Variants in CNTNAP2 observed in about 807,000 individuals in gnomAD.
CNTNAP2 encodes contactin associated protein 2, also known as contactin-associated protein-like 2.
Under a neutral mutation model 155.2 loss-of-function variants are expected in CNTNAP2, and 98 were observed. The ratio of observed to expected loss-of-function variants is 0.63; its 90% confidence interval spans 0.54 to 0.75. The LOEUF is 0.75. Among genes scored for constraint, CNTNAP2 ranks in the 30% least tolerant of loss-of-function variants. The pLI is 0.00. For synonymous variants in CNTNAP2, 651 were observed against 631.2 expected, an observed-to-expected ratio of 1.03 and a Z score of -0.47; for missense variants, 1,727 against 1,688.1, an observed-to-expected ratio of 1.02 and a Z score of -0.40.
chr7:147,189,901 C>G (rs951094273), intron 8 of CNTNAP2, among the ~76,000 whole-genome samples: 2 of 152,120 alleles, frequency 1.3e-5, no homozygotes, highest in Admixed American at 1.3e-4. Context: ...CCCGCCACCA[C>G]GCCCGGCTAA....
intron 13 of CNTNAP2, among the ~76,000 whole-genome samples, chr7:147,714,152 A>G (rs1021326854): frequency 1.3e-5 from 2 of 152,114 alleles, no homozygotes; most frequent in Non-Finnish European, 2.9e-5. Flanking sequence ...CCATTTGATA[A>G]GGAAAAGGGA....
intron 10 of CNTNAP2, among the ~76,000 whole-genome samples, chr7:147,424,177 T>C (rs1046241030): frequency 7.2e-5 from 11 of 152,194 alleles, no homozygotes; most frequent in African/African-American, 2.2e-4. Context: ...CCATTTCTTC[T>C]TCAGCCAATT....
intron 20 of CNTNAP2, among the ~76,000 whole-genome samples, chr7:148,234,618 A>G (rs77411134): frequency 0.09 from 13,658 of 152,264 alleles, 839 homozygotes; most frequent in Non-Finnish European, 0.15. Context: ...TCCTTGGGAA[A>G]GTAAAGCTTC....
At chr7:147,694,824 A>G (rs1020437049) in intron 13 of CNTNAP2, among the ~76,000 whole-genome samples, 2 of 151,714 alleles carry the variant, frequency 1.3e-5, no homozygotes, top group African/African-American at 4.8e-5. Flanking sequence ...CCTGTTTCCA[A>G]TTTTATTACT....
At position 147,278,128 on chromosome 7, in the gene CNTNAP2, A is replaced by C. The variant is rs1182605904; in HGVS notation, c.1349-22013A>C. Among the ~76,000 whole-genome samples the C allele has an allele frequency of 9.3e-4, 8 of 8,582 alleles. No individual in the cohort carries two copies. In the East Asian group the frequency reaches 0.011, roughly 12 times the overall value. The allele number at this position is 8,582 out of a possible 152,430, so 5.6% of individuals were successfully genotyped here. ...GCTCAGGAAGGGGTGGAAACCATGC[A>C]AAAAAAAAAAAAAAAATAGCCTCCT... On this transcript the variant is annotated intron_variant, in intron 8 of 23. Transcript: ENST00000361727.
chr7:147,087,040 T>C (rs1800293711), intron 4 of CNTNAP2, among the ~76,000 whole-genome samples: 1 of 152,148 alleles, frequency 6.6e-6, no homozygotes, highest in African/African-American at 2.4e-5. Context: ...TATCTGAAAT[T>C]TGCACACTTC....
intron 4 of CNTNAP2, among the ~76,000 whole-genome samples, chr7:147,073,122 CT>C (rs59033495): frequency 0.011 from 1,600 of 142,162 alleles, 28 homozygotes; most frequent in African/African-American, 0.032. Flanking sequence ...AAAGCCTTTT[CT>C]TTTTTTTTTT....
chr7:147,577,025 C>A (rs1199465392), intron 12 of CNTNAP2, among the ~76,000 whole-genome samples: 1 of 152,044 alleles, frequency 6.6e-6, no homozygotes, highest in Non-Finnish European at 1.5e-5. Context: ...AGTTGACTAT[C>A]CAGGTAGTTT....
chr7:148,272,886 A>G (rs190515580), intron 21 of CNTNAP2, among the ~76,000 whole-genome samples: 2 of 152,340 alleles, frequency 1.3e-5, no homozygotes, highest in East Asian at 3.9e-4. Flanking sequence ...AGACCTGGGA[A>G]TGTCTGATCA....
At chr7:146,599,638 G>A (rs1386980943) in intron 1 of CNTNAP2, among the ~76,000 whole-genome samples, 1 of 151,552 alleles carries the variant, frequency 6.6e-6, no homozygotes, top group Non-Finnish European at 1.5e-5. Flanking sequence ...GTATTCCAGC[G>A]CTCACAACAC....
At chr7:147,765,501 G>A (rs903051694) in intron 13 of CNTNAP2, among the ~76,000 whole-genome samples, 2 of 152,140 alleles carry the variant, frequency 1.3e-5, no homozygotes, top group Non-Finnish European at 2.9e-5. Flanking sequence ...TCATGAGTCA[G>A]CAGAGGAATG....
chr7:147,256,464 G>T (rs751387930), intron 8 of CNTNAP2, among the ~76,000 whole-genome samples: 10 of 152,180 alleles, frequency 6.6e-5, no homozygotes, highest in Non-Finnish European at 1.2e-4. Context: ...CAATATGCGG[G>T]TGTTAAATGT....
At chr7:147,102,586 C>T (rs2129278040) in intron 4 of CNTNAP2, among the ~76,000 whole-genome samples, 1 of 152,234 alleles carries the variant, frequency 6.6e-6, no homozygotes, top group African/African-American at 2.4e-5. Flanking sequence ...GAGATGCTGG[C>T]CTTCAGGAAA....
intron 8 of CNTNAP2, among the ~76,000 whole-genome samples, 179 bp from the exon 9 acceptor site, chr7:147,299,962 T>C (rs1794911158): frequency 6.6e-6 from 1 of 152,106 alleles, no homozygotes; most frequent in Non-Finnish European, 1.5e-5. Context: ...TTAGGTGGAG[T>C]ATAGAACCAC....
intron 9 of CNTNAP2, among the ~76,000 whole-genome samples, chr7:147,366,511 T>C (rs1357548596): frequency 2.0e-5 from 3 of 152,046 alleles, no homozygotes; most frequent in Admixed American, 2.0e-4. Flanking sequence ...ATCTAATTCT[T>C]TCATAGTTTC....
At chr7:148,195,778 G>A (rs1393528671) in intron 18 of CNTNAP2, among the ~76,000 whole-genome samples, 1 of 152,040 alleles carries the variant, frequency 6.6e-6, no homozygotes, top group African/African-American at 2.4e-5. Context: ...AATTGAGACA[G>A]GCACCTGAAG....
intron 3 of CNTNAP2, among the ~76,000 whole-genome samples, chr7:147,037,629 T>G (rs192691300): frequency 1.5e-3 from 222 of 152,070 alleles, no homozygotes; most frequent in Non-Finnish European, 2.6e-3. Flanking sequence ...GCCTGGCTAA[T>G]TTTTTGTATT....
At chr7:147,617,732 TG>T (rs548779838) in intron 12 of CNTNAP2, among the ~76,000 whole-genome samples, 1 of 152,330 alleles carries the variant, frequency 6.6e-6, no homozygotes, top group East Asian at 1.9e-4. Context: ...TAGTATTGTT[TG>T]GTGTAACCCA....
chr7:146,268,668 G>T (rs1415225711), intron 1 of CNTNAP2, among the ~76,000 whole-genome samples: 1 of 152,126 alleles, frequency 6.6e-6, no homozygotes, highest in East Asian at 1.9e-4. Flanking sequence ...ACACCCAAAT[G>T]AAAAGAGGAA....
Sources: allele counts gnomAD v4.1 joint callset (sites outside exome capture counted in the v4.1 genomes callset), GRCh38; gene constraint gnomAD v4.1.1; transcripts MANE v1.5; gene names NCBI Gene and HGNC (gene_info 2026-07-23, HGNC 2026-07-21).